Variants in MEF2A observed in about 807,000 individuals in gnomAD.
The protein encoded by MEF2A is myocyte-specific enhancer factor 2A.
In MEF2A, 28 loss-of-function variants were observed where a neutral mutation model predicts 55.8. The observed-to-expected ratio is 0.50, with a 90% confidence interval of 0.37 to 0.69. The LOEUF (loss-of-function observed/expected upper bound fraction) is 0.69, where lower values mean the gene tolerates loss of function less well. Among genes scored for constraint, MEF2A ranks in the 30% least tolerant of loss-of-function variants. The probability of loss-of-function intolerance (pLI) is 0.00; values close to 1 mark genes in which losing one functional copy is unlikely to be tolerated. For synonymous variants in MEF2A, 239 were observed against 227.1 expected, an observed-to-expected ratio of 1.05 and a Z score of -0.47; for missense variants, 528 against 626.2, an observed-to-expected ratio of 0.84 and a Z score of 1.67.
chr15:99,638,253 T>TA (rs897049194), intron 3 of MEF2A, among the ~76,000 whole-genome samples: 6 of 151,988 alleles, frequency 3.9e-5, no homozygotes, highest in East Asian at 1.9e-4. Context: ...CTTTTGATCT[T>TA]AAAAAAAATT....
At chr15:99,703,335 C>G in intron 8 of MEF2A, 27 bp from the exon 9 acceptor site, 1 of 1,612,244 alleles carries the variant, frequency 6.2e-7, no homozygotes, top group Non-Finnish European at 8.5e-7. Context: ...TAGTAACTCT[C>G]TTATCCCTCT....
intron 7 of MEF2A, among the ~76,000 whole-genome samples, chr15:99,679,544 C>T (rs1482872306): frequency 6.6e-6 from 1 of 151,886 alleles, no homozygotes; most frequent in Non-Finnish European, 1.5e-5. Flanking sequence ...AGATAGATGG[C>T]AGAGCCATAA....
intron 8 of MEF2A, among the ~76,000 whole-genome samples, chr15:99,699,414 A>G (rs185948574): frequency 2.2e-4 from 33 of 152,296 alleles, no homozygotes; most frequent in Admixed American, 9.8e-4. Context: ...GTTGACTATA[A>G]AGGGTTAATA....
At chr15:99,616,551 A>G (rs1302657765) in intron 2 of MEF2A, among the ~76,000 whole-genome samples, 1 of 152,222 alleles carries the variant, frequency 6.6e-6, no homozygotes, top group East Asian at 1.9e-4. Flanking sequence ...ACTGCCTACT[A>G]AAAATTAATA....
chr15:99,705,634 C>T (rs560694466), intron 9 of MEF2A, among the ~76,000 whole-genome samples: 2 of 152,316 alleles, frequency 1.3e-5, no homozygotes, highest in East Asian at 1.9e-4. Flanking sequence ...AAACTGAGAT[C>T]AGGATCCTCA....
chr15:99,640,546 TTTTC>T (rs2044695398), intron 3 of MEF2A, among the ~76,000 whole-genome samples: 1 of 150,924 alleles, frequency 6.6e-6, no homozygotes, highest in South Asian at 2.1e-4. Context: ...CCCTCCCCTC[TTTTC>T]TTTCTTTTCT....
intron 2 of MEF2A, chr15:99,620,791 T>A (rs2041022051): frequency 6.6e-6 from 1 of 152,144 alleles, no homozygotes; most frequent in South Asian, 2.1e-4. Flanking sequence ...CTAATTTACA[T>A]TCTCAGCAAC....
Position 99,569,349 on chromosome 15 carries a change from G to T in MEF2A, c.-225+3245G>T, listed in dbSNP as rs1221584428. 2.0e-5 allele frequency among the ~76,000 whole-genome samples: 3 copies of T among 152,144 alleles called. No individual in the cohort carries two copies. The East Asian group carries it at 5.8e-4, about 29-fold the overall frequency. On this transcript the variant is annotated intron_variant, in intron 1 of 11. Transcript: ENST00000557942. Reference sequence around the variant, plus strand: ...TCTTCTTTCCTCTGAAGATTATGTAGGTACCCTGCCCAGTACCCATACGTT... The same window carrying T: ...TCTTCTTTCCTCTGAAGATTATGTATGTACCCTGCCCAGTACCCATACGTT...
intron 1 of MEF2A, among the ~76,000 whole-genome samples, chr15:99,567,387 G>A (rs1960136685): frequency 6.6e-6 from 1 of 152,192 alleles, no homozygotes; most frequent in South Asian, 2.1e-4. Flanking sequence ...CTGTAATTAG[G>A]TGTACATTAC....
chr15:99,651,414 G>A (rs545008914), intron 4 of MEF2A, among the ~76,000 whole-genome samples: 5 of 152,128 alleles, frequency 3.3e-5, no homozygotes, highest in African/African-American at 4.8e-5. Context: ...TGTTATAGAC[G>A]AGGAATGGAA....
chr15:99,670,616 GAA>G, intron 4 of MEF2A, among the ~76,000 whole-genome samples: 1 of 133,876 alleles, frequency 7.5e-6, no homozygotes, highest in Non-Finnish European at 1.6e-5. Context: ...TCTCAAAAAA[GAA>G]AAAAAAAAAG....
intron 7 of MEF2A, chr15:99,678,699 A>G: frequency 1.0e-6 from 1 of 983,078 alleles, no homozygotes; most frequent in Non-Finnish European, 1.2e-6. Flanking sequence ...AAAGCACTGA[A>G]CGAACTCAGG....
chr15:99,635,953 G>C lies in MEF2A; in HGVS notation c.54+2780G>C, dbSNP rs552576884. 2.6e-4 allele frequency among the ~76,000 whole-genome samples: 39 copies of C among 152,206 alleles called. No homozygotes were observed. In the South Asian group the frequency reaches 7.9e-3, roughly 31 times the overall value. On this transcript the variant is annotated intron_variant, in intron 3 of 11. Transcript: ENST00000557942. The stretch of plus-strand genomic sequence containing the variant: ...AGGAGTGCGGTTGCTGAGTCATAAG[G>C]GTATGCATTTGGTTAGTAGTTGACG...
intron 8 of MEF2A, 147 bp downstream of exon 8, chr15:99,690,575 A>G (rs752654309): frequency 1.3e-6 from 1 of 799,952 alleles, no homozygotes; most frequent in Non-Finnish European, 2.1e-6. Flanking sequence ...GTATTTGAAG[A>G]GACAAGTCTA....
At chr15:99,586,151 G>T (rs1270406873) in intron 1 of MEF2A, among the ~76,000 whole-genome samples, 2 of 152,096 alleles carry the variant, frequency 1.3e-5, no homozygotes, top group African/African-American at 2.4e-5. Context: ...ACATGCCTTT[G>T]TATGGACATA....
At chr15:99,605,384 ATAT>A (rs1412368940) in intron 2 of MEF2A, among the ~76,000 whole-genome samples, 2 of 152,200 alleles carry the variant, frequency 1.3e-5, no homozygotes, top group African/African-American at 2.4e-5. Flanking sequence ...GTAATGTAAC[ATAT>A]TCACAGGTTC....
At chr15:99,630,046 T>C (rs1292919696) in intron 2 of MEF2A, among the ~76,000 whole-genome samples, 1 of 138,184 alleles carries the variant, frequency 7.2e-6, no homozygotes, top group Admixed American at 7.7e-5. Flanking sequence ...TCTCCCCCTC[T>C]CTCCCCTTTG....
intron 5 of MEF2A, 57 bp downstream of exon 5, chr15:99,671,511 A>G (rs2050860657): frequency 3.7e-6 from 6 of 1,613,890 alleles, no homozygotes; most frequent in Non-Finnish European, 5.1e-6. Flanking sequence ...TGTTAACTTC[A>G]TTATTTAGGC....
chr15:99,633,430 A>G (rs1054274350), intron 3 of MEF2A, among the ~76,000 whole-genome samples: 5 of 152,096 alleles, frequency 3.3e-5, no homozygotes, highest in African/African-American at 1.2e-4. Context: ...ACCATTACCA[A>G]TCCATTGTAT....
Sources: allele counts gnomAD v4.1 joint callset (sites outside exome capture counted in the v4.1 genomes callset), GRCh38; gene constraint gnomAD v4.1.1; transcripts MANE v1.5; gene names NCBI Gene and HGNC (gene_info 2026-07-23, HGNC 2026-07-21).